Variants in SORD observed in about 807,000 individuals in gnomAD.
The protein encoded by SORD is (R,R)-butanediol dehydrogenase.
Under a neutral mutation model 35.6 loss-of-function variants are expected in SORD, and 18 were observed. The ratio of observed to expected loss-of-function variants is 0.51; its 90% CI spans 0.35 to 0.75. The LOEUF (loss-of-function observed/expected upper bound fraction) is 0.75. SORD is among the 30% of genes least tolerant of loss of function. The pLI is 0.01. For synonymous variants in SORD, 106 were observed against 152.9 expected (o/e 0.69, Z 2.26); for missense variants, 250 against 390.2 (o/e 0.64, Z 3.03).
In SORD at chr15:45,045,332, G is replaced by A. The variant is rs182074731; in HGVS notation, c.265+1911G>A. 9.2e-5 allele frequency among the ~76,000 whole-genome samples: 14 copies of A among 152,190 alleles called. No individual in the cohort carries two copies. In the East Asian group the frequency reaches 2.7e-3, roughly 30 times the overall value. On this transcript the variant is annotated intron_variant, in intron 3 of 8. Coordinates refer to ENST00000267814, the MANE Select transcript of SORD (RefSeq NM_003104.6). The stretch of plus-strand genomic sequence containing the variant: ...GTGGGCAGGTCACTTGAGGTCAGGG[G>A]TTTGAGACCAGCCTGGCCAATATGG...
At chr15:45,070,869 G>A (rs1374106829) in intron 7 of SORD, 1 of 152,266 alleles carries the variant, frequency 6.6e-6, no homozygotes, top group Non-Finnish European at 1.5e-5. Context: ...CATTTCCACT[G>A]TTGACGGTGG....
intron 1 of SORD, among the ~76,000 whole-genome samples, chr15:45,039,204 C>A (rs1233017447): frequency 6.6e-6 from 1 of 152,090 alleles, no homozygotes; most frequent in East Asian, 1.9e-4. Context: ...TCTGGGCTCA[C>A]TGCTACCTCC....
At position 45,043,239 on chromosome 15, in the gene SORD, CT is replaced by C; in HGVS notation, c.101-16del. On this transcript the variant is annotated splice_polypyrimidine_tract_variant and intron_variant, in intron 2 of 8. Transcript: ENST00000267814. ...TTGTTCCCTCTCTCACTGTTTTTTT[CT>C]TCCTTTCTTTTATCAGAGGTCTTGC... is the stretch of plus-strand genomic sequence containing the variant. 1.5e-6 allele frequency: 1 copy of C among 663,268 alleles called. No homozygotes were observed. Among genetic ancestry groups the C allele is most frequent in the Non-Finnish European group, 2.7e-6 (1 of 371,260 alleles). 41.1% of individuals were successfully genotyped at this position (663,268 alleles called of 1,614,324 possible). A position where few individuals can be genotyped will look rare whatever the true frequency, so the allele number is the denominator to read the frequency against.
intron 1 of SORD, among the ~76,000 whole-genome samples, chr15:45,036,795 A>G (rs1035315662): frequency 6.7e-6 from 1 of 149,634 alleles, no homozygotes; most frequent in African/African-American, 2.4e-5. Flanking sequence ...TGGGAATGAG[A>G]AAAAAAAGAG....
At chr15:45,069,960 T>G (rs865931157) in intron 7 of SORD, 100 of 152,206 alleles carry the variant, frequency 6.6e-4, no homozygotes, top group African/African-American at 1.9e-3. Flanking sequence ...GGAGGGAGTG[T>G]CATTGACAGA....
At chr15:45,027,570 G>A (rs1353891301) in intron 1 of SORD, among the ~76,000 whole-genome samples, 1 of 152,256 alleles carries the variant, frequency 6.6e-6, no homozygotes, top group Non-Finnish European at 1.5e-5. Flanking sequence ...CTTAAAAAGA[G>A]GTGGATGGAG....
At chr15:45,036,310 G>C (rs1040002455) in intron 1 of SORD, 1 of 455,870 alleles carries the variant, frequency 2.2e-6, no homozygotes, top group African/African-American at 2.0e-5. Flanking sequence ...TTTCTGACTT[G>C]AAGTGAAATA....
intron 1 of SORD, chr15:45,036,331 C>G (rs1220632580): frequency 6.6e-6 from 3 of 455,978 alleles, no homozygotes; most frequent in Admixed American, 2.3e-5. Flanking sequence ...TTCTGGAAAA[C>G]TCACACAACT....
At chr15:45,067,938 G>A (rs1189805966) in intron 5 of SORD, among the ~76,000 whole-genome samples, 3 of 152,180 alleles carry the variant, frequency 2.0e-5, no homozygotes, top group African/African-American at 4.8e-5. Context: ...GAAAATTTTA[G>A]CTCTGAGGTT....
chr15:45,040,468 A>G (rs1187874309), intron 2 of SORD, 27 bp downstream of exon 2: 1 of 1,538,882 alleles, frequency 6.5e-7, no homozygotes, highest in Non-Finnish European at 9.0e-7. Flanking sequence ...CATGACTTAT[A>G]TTTTATTATT....
In SORD at chr15:45,068,376, A is replaced by G. The variant is rs2006127; in HGVS notation, c.610+130A>G. On this transcript the variant is annotated intron_variant, in intron 6 of 8. Transcript: ENST00000267814. ...TGTGTAGTGTCATATGGATTGTGGAAATATAGAAGAGTGTGAGTGTGTGTT... is the reference window on the plus strand; with the variant it reads ...TGTGTAGTGTCATATGGATTGTGGAGATATAGAAGAGTGTGAGTGTGTGTT... 1.5e-3 allele frequency: 1,089 copies of G among 724,706 alleles called. 5 individuals are homozygous for G. The highest frequency in any genetic ancestry group is 4.0e-3 in the South Asian group (267 of 66,330). 44.9% of individuals were successfully genotyped at this position (724,706 alleles called of 1,614,324 possible).
intron 4 of SORD, among the ~76,000 whole-genome samples, chr15:45,064,607 A>G (rs1595507624): frequency 6.6e-6 from 1 of 152,186 alleles, no homozygotes; most frequent in Admixed American, 6.5e-5. Flanking sequence ...CTGGGTCAGC[A>G]GGGCAGCCAC....
intron 1 of SORD, among the ~76,000 whole-genome samples, chr15:45,031,685 G>C (rs1300733232): frequency 5.5e-4 from 83 of 151,936 alleles, no homozygotes; most frequent in African/African-American, 1.9e-3. Context: ...TGGAACTTCT[G>C]AGTTTAAGCA....
At chr15:45,067,225 G>C (rs755668354) in intron 5 of SORD, among the ~76,000 whole-genome samples, 6 of 152,100 alleles carry the variant, frequency 3.9e-5, no homozygotes, top group Non-Finnish European at 8.8e-5. Flanking sequence ...AGCCAGGCGT[G>C]GTGGTGGGTG....
chr15:45,047,483 C>A (rs1893063065), intron 3 of SORD, among the ~76,000 whole-genome samples: 1 of 152,088 alleles, frequency 6.6e-6, no homozygotes, highest in Non-Finnish European at 1.5e-5. Flanking sequence ...GTTTCCTCAT[C>A]GCTAAAGCAG....
At chr15:45,028,074 C>G (rs1892706576) in intron 1 of SORD, among the ~76,000 whole-genome samples, 2 of 152,226 alleles carry the variant, frequency 1.3e-5, no homozygotes, top group African/African-American at 4.8e-5. Flanking sequence ...GCCTGTAACC[C>G]CAGCACTTTG....
chr15:45,050,911 G>C (rs1252200966), intron 3 of SORD, among the ~76,000 whole-genome samples: 2 of 152,160 alleles, frequency 1.3e-5, no homozygotes, highest in African/African-American at 2.4e-5. Context: ...AAGTTAAAAA[G>C]GATTAGTTCA....
intron 6 of SORD, among the ~76,000 whole-genome samples, chr15:45,068,459 G>T (rs1041822716): frequency 1.3e-5 from 2 of 150,386 alleles, no homozygotes; most frequent in African/African-American, 4.9e-5. Flanking sequence ...GTGTGTGTGT[G>T]TGTGTCTGTG....
In SORD at chr15:45,065,323, G is replaced by A. The variant is rs1425403780; in HGVS notation, c.478G>A (p.Val160Met). 20 of 1,613,882 alleles carry A rather than the reference G, an allele frequency of 1.2e-5. No homozygotes were observed. The highest frequency in any genetic ancestry group is 1.4e-5 in the Non-Finnish European group (16 of 1,179,898). ...AGGCGCCCTGATCGAGCCACTTTCT[G>A]TGGGGATCCATGCCTGCAGGAGAGG... Reference protein sequence around the residue: ...EEGALIEPLSVGIHACRRGGV... With the variant: ...EEGALIEPLSMGIHACRRGGV... The change falls in exon 5 of 9, where the codon GTG becomes ATG. Residue 160 changes from valine (V) to methionine (M), a missense_variant. Around this residue, in one of 8 missense-constraint regions of SORD, gnomAD observed 126 missense variants for 148.7 expected, o/e 0.85. Transcript: ENST00000267814.
Sources: gnomAD v4.1 joint callset for allele counts (sites outside exome capture counted in the v4.1 genomes callset) on GRCh38, gnomAD v4.1.1 for gene constraint, gnomAD v4.1.1 regional missense constraint, MANE v1.5 for transcripts, NCBI Gene and HGNC (gene_info 2026-07-23, HGNC 2026-07-21) for gene names.